Variants in ANKRD6 observed in about 807,000 individuals in gnomAD.
ANKRD6 encodes the protein ankyrin repeat domain 6.
A neutral mutation model predicts 82.3 loss-of-function variants in ANKRD6; 56 were observed. The ratio of observed to expected loss-of-function variants is 0.68; its 90% CI spans 0.55 to 0.85. The LOEUF (loss-of-function observed/expected upper bound fraction) is 0.85. Among genes scored for constraint, ANKRD6 ranks in the 40% least tolerant of loss-of-function variants. ANKRD6 has a pLI of 0.00. For synonymous variants in ANKRD6, 347 were observed against 352.1 expected (o/e 0.99, Z 0.16); for missense variants, 852 against 907.6 (o/e 0.94, Z 0.79).
chr6:89,537,436 A>G (rs1423477730), intron 1 of ANKRD6, among the ~76,000 whole-genome samples: 1 of 152,086 alleles, frequency 6.6e-6, no homozygotes, highest in East Asian at 1.9e-4. Flanking sequence ...TTCTTCTTCA[A>G]CCCAAATCCA....
intron 1 of ANKRD6, among the ~76,000 whole-genome samples, chr6:89,507,992 T>TA (rs1780077148): frequency 6.6e-6 from 1 of 152,204 alleles, no homozygotes; most frequent in African/African-American, 2.4e-5. Context: ...TGTTCATACA[T>TA]ACAGCAAAGC....
chr6:89,577,100 T>A (rs117803588), intron 2 of ANKRD6, among the ~76,000 whole-genome samples: 2,562 of 151,964 alleles, frequency 0.017, 37 homozygotes, highest in Middle Eastern at 0.044. Flanking sequence ...CAAATCGAAG[T>A]GCCCACACTG....
intron 1 of ANKRD6, among the ~76,000 whole-genome samples, chr6:89,444,304 A>T (rs1416121546): frequency 6.6e-6 from 1 of 152,198 alleles, no homozygotes; most frequent in Non-Finnish European, 1.5e-5. Context: ...CAGATCAGTA[A>T]TGAATAACAG....
chr6:89,452,840 G>T (rs770977403), intron 1 of ANKRD6, among the ~76,000 whole-genome samples: 2 of 152,146 alleles, frequency 1.3e-5, no homozygotes, highest in Non-Finnish European at 1.5e-5. Flanking sequence ...GGCCAGGAAG[G>T]CCTGGGTTCT....
At chr6:89,455,292 A>G (rs111702063) in intron 1 of ANKRD6, among the ~76,000 whole-genome samples, 2 of 152,242 alleles carry the variant, frequency 1.3e-5, no homozygotes, top group Non-Finnish European at 2.9e-5. Context: ...TACAGGAAGC[A>G]TGGTGCTGGC....
chr6:89,460,205 T>C (rs1366861355), intron 1 of ANKRD6, among the ~76,000 whole-genome samples: 2 of 151,354 alleles, frequency 1.3e-5, no homozygotes, highest in Non-Finnish European at 2.9e-5. Flanking sequence ...CTGGCATTGA[T>C]GAATTTGGAT....
intron 1 of ANKRD6, among the ~76,000 whole-genome samples, chr6:89,459,120 C>G (rs1208991474): frequency 6.6e-6 from 1 of 152,074 alleles, no homozygotes; most frequent in African/African-American, 2.4e-5. Flanking sequence ...CTCTTGTTGC[C>G]CAGGCTGGAG....
At chr6:89,483,265 G>A (rs925761846) in intron 1 of ANKRD6, 1 of 152,216 alleles carries the variant, frequency 6.6e-6, no homozygotes, top group African/African-American at 2.4e-5. Flanking sequence ...CTCTCATAAC[G>A]AGTTTGCCAA....
At chr6:89,462,231 C>CAAAATAATAAAA (rs1554214168) in intron 1 of ANKRD6, among the ~76,000 whole-genome samples, 1 of 55,916 alleles carries the variant, frequency 1.8e-5, no homozygotes, top group Non-Finnish European at 3.3e-5. Context: ...GACTCCATCT[C>CAAAATAATAAAA]AAAATAATAA....
At chr6:89,544,253 G>T (rs142036835) in intron 1 of ANKRD6, among the ~76,000 whole-genome samples, 1 of 152,312 alleles carries the variant, frequency 6.6e-6, no homozygotes, top group African/African-American at 2.4e-5. Flanking sequence ...GTTGTGCTCA[G>T]GCCGCAAGGA....
chr6:89,599,881 G>A (rs905392352), intron 3 of ANKRD6, among the ~76,000 whole-genome samples: 4 of 152,016 alleles, frequency 2.6e-5, no homozygotes, highest in Admixed American at 2.0e-4. Flanking sequence ...ACTTTTGGTA[G>A]GGAGAGTCCG....
At chr6:89,615,305 G>C (rs1243526493) in intron 7 of ANKRD6, among the ~76,000 whole-genome samples, 1 of 152,126 alleles carries the variant, frequency 6.6e-6, no homozygotes, top group African/African-American at 2.4e-5. Context: ...AGAACCTCTG[G>C]GGGTGAGGTC....
At chr6:89,484,597 G>T (rs1425872045) in intron 1 of ANKRD6, among the ~76,000 whole-genome samples, 1 of 152,116 alleles carries the variant, frequency 6.6e-6, no homozygotes, top group Non-Finnish European at 1.5e-5. Context: ...TCTGTCTTTG[G>T]TACAGATGCC....
In ANKRD6 at chr6:89,631,094, T is replaced by C. The variant is rs1807315018; in HGVS notation, c.*90T>C. The C allele has an allele frequency of 7.1e-7, 1 of 1,417,984 alleles. No homozygotes were observed. The highest frequency in any genetic ancestry group is 1.7e-5 in the South Asian group (1 of 60,052). The allele number at this position is 1,417,984 out of a possible 1,614,324, so 87.8% of individuals were successfully genotyped here. A position where few individuals can be genotyped will look rare whatever the true frequency, so the allele number is the denominator to read the frequency against. On this transcript the variant is annotated 3_prime_UTR_variant, in exon 16 of 16. Coordinates refer to ENST00000339746, the MANE Select transcript of ANKRD6 (RefSeq NM_001242809.2). Reference sequence around the variant, plus strand: ...TATGCCCAAGGAGTCAACTATTGTATATATTGCAGATTTGCCTTTTTAAAA... The same window carrying C: ...TATGCCCAAGGAGTCAACTATTGTACATATTGCAGATTTGCCTTTTTAAAA...
At chr6:89,453,124 A>C (rs1773055440) in intron 1 of ANKRD6, among the ~76,000 whole-genome samples, 1 of 152,180 alleles carries the variant, frequency 6.6e-6, no homozygotes, top group Non-Finnish European at 1.5e-5. Flanking sequence ...CCCAATTGTC[A>C]TTCCCTTCTT....
chr6:89,593,697 C>T (rs1478368531), intron 2 of ANKRD6, among the ~76,000 whole-genome samples: 1 of 152,152 alleles, frequency 6.6e-6, no homozygotes. Context: ...TCAATAAAGG[C>T]CTTTGGGAAG....
chr6:89,447,030 A>G (rs1772178182), intron 1 of ANKRD6, among the ~76,000 whole-genome samples: 2 of 152,184 alleles, frequency 1.3e-5, no homozygotes, highest in Admixed American at 6.5e-5. Flanking sequence ...AGTCTTGGGT[A>G]TTTCTTTGTA....
rs970526227 is a variant in ANKRD6, at chr6:89,523,743, C to T, written c.-143-43091C>T. Among the ~76,000 whole-genome samples, 4 of 152,296 alleles carry T rather than the reference C, an allele frequency of 2.6e-5. No individual in the cohort carries two copies. In the East Asian group the frequency reaches 7.7e-4, roughly 29 times the overall value. ...TCATTTCTTTAGTAGGTGGAACATTCATTTATTCACAGTCCCTTAGGACAC... is the reference window on the plus strand; with the variant it reads ...TCATTTCTTTAGTAGGTGGAACATTTATTTATTCACAGTCCCTTAGGACAC... On this transcript the variant is annotated intron_variant, in intron 1 of 15. Coordinates refer to ENST00000339746, the MANE Select transcript of ANKRD6 (RefSeq NM_001242809.2).
chr6:89,501,857 G>A (rs552318282), intron 1 of ANKRD6, among the ~76,000 whole-genome samples: 224 of 151,566 alleles, frequency 1.5e-3, no homozygotes, highest in African/African-American at 5.3e-3. Context: ...AAAAAAAAAA[G>A]GCAGTGACTT....
Sources: gnomAD v4.1 joint callset for allele counts (sites outside exome capture counted in the v4.1 genomes callset) on GRCh38, gnomAD v4.1.1 for gene constraint, MANE v1.5 for transcripts, NCBI Gene and HGNC (gene_info 2026-07-23, HGNC 2026-07-21) for gene names.